GYPC: variants seen among roughly 807,000 people sequenced by gnomAD.
The protein encoded by GYPC is glycophorin-C.
Under a neutral mutation model 12.6 loss-of-function variants are expected in GYPC, and 14 were observed. The ratio of observed to expected loss-of-function variants is 1.11; its 90% CI spans 0.74 to 1.74. The LOEUF is 1.74. Ranked by LOEUF, GYPC falls within the 40% of genes most tolerant of loss-of-function variation. The pLI, the probability that GYPC is intolerant of heterozygous loss-of-function variation, is 0.00. For missense variants in GYPC, 225 were observed against 172.1 expected (o/e 1.31, Z -1.72); for synonymous variants, 78 against 62.1 (o/e 1.26, Z -1.20).
intron 1 of GYPC, 119 bp from the exon 2 acceptor site, chr2:126,690,136 C>G: frequency 2.6e-6 from 2 of 782,692 alleles, no homozygotes; most frequent in Non-Finnish European, 4.6e-6. Context: ...TGTCTCTGTC[C>G]ACTTGAACCC....
intron 1 of GYPC, among the ~76,000 whole-genome samples, chr2:126,675,945 G>A (rs1243814676): frequency 1.3e-5 from 2 of 152,204 alleles, no homozygotes; most frequent in African/African-American, 4.8e-5. Context: ...TATGTTAAAT[G>A]TGTAAAGAAA....
chr2:126,657,413 C>A (rs1344356770), intron 1 of GYPC, among the ~76,000 whole-genome samples: 1 of 152,174 alleles, frequency 6.6e-6, no homozygotes, highest in East Asian at 1.9e-4. Flanking sequence ...TCCTCATCTG[C>A]AAAGTAGGAA....
At chr2:126,662,704 T>C (rs145070043) in intron 1 of GYPC, among the ~76,000 whole-genome samples, 2 of 152,368 alleles carry the variant, frequency 1.3e-5, no homozygotes, top group East Asian at 3.9e-4. Context: ...CGGCTAGTCC[T>C]GAACCTGTCA....
chr2:126,692,920 G>A (rs553946575), intron 2 of GYPC, among the ~76,000 whole-genome samples: 5 of 152,290 alleles, frequency 3.3e-5, no homozygotes, highest in South Asian at 2.1e-4. Flanking sequence ...GGCACATCAC[G>A]TCTCTGAACC....
intron 1 of GYPC, among the ~76,000 whole-genome samples, chr2:126,678,145 C>T (rs1683060348): frequency 6.6e-6 from 1 of 152,072 alleles, no homozygotes; most frequent in African/African-American, 2.4e-5. Flanking sequence ...TCACTTGAAC[C>T]CAGGAGGCGG....
At chr2:126,691,873 G>C (rs1170520918) in intron 2 of GYPC, among the ~76,000 whole-genome samples, 1 of 152,142 alleles carries the variant, frequency 6.6e-6, no homozygotes, top group Admixed American at 6.6e-5. Flanking sequence ...TCTGAGGGCA[G>C]TTCTGGGTAT....
intron 1 of GYPC, among the ~76,000 whole-genome samples, chr2:126,672,532 G>A (rs929936768): frequency 7.2e-5 from 11 of 152,102 alleles, no homozygotes; most frequent in African/African-American, 2.7e-4. Flanking sequence ...TGTGAGTGTG[G>A]GTCCCCTGTC....
intron 3 of GYPC, among the ~76,000 whole-genome samples, chr2:126,694,655 A>T (rs1204556540): frequency 6.6e-6 from 1 of 152,182 alleles, no homozygotes; most frequent in African/African-American, 2.4e-5. Flanking sequence ...GATATTATTA[A>T]CATTATGCAG....
chr2:126,667,361 C>T (rs1682712008), intron 1 of GYPC, among the ~76,000 whole-genome samples: 2 of 151,934 alleles, frequency 1.3e-5, no homozygotes, highest in African/African-American at 2.4e-5. Flanking sequence ...GACATGACTC[C>T]TACATGCATT....
chr2:126,677,535 CTGTGTGTATGTGAG>C (rs1306904791), intron 1 of GYPC, among the ~76,000 whole-genome samples: 1 of 93,318 alleles, frequency 1.1e-5, no homozygotes, highest in Non-Finnish European at 2.5e-5. Flanking sequence ...GTGTGTGAGT[CTGTGTGTATGTGAG>C]TGTGTGTATG....
At chr2:126,664,462 A>G (rs4143022) in intron 1 of GYPC, among the ~76,000 whole-genome samples, 16,407 of 152,160 alleles carry the variant, frequency 0.11, 1,454 homozygotes, top group East Asian at 0.41. Context: ...TCTACATTGA[A>G]AGCTCAGCCA....
At chr2:126,686,592 C>T (rs987419788) in intron 1 of GYPC, 25 of 979,358 alleles carry the variant, frequency 2.6e-5, no homozygotes, top group Non-Finnish European at 2.9e-5. Flanking sequence ...CAGTCTAATG[C>T]TGAGTATAGA....
intron 1 of GYPC, among the ~76,000 whole-genome samples, chr2:126,687,847 C>A (rs1435555193): frequency 6.6e-6 from 1 of 152,192 alleles, no homozygotes; most frequent in Non-Finnish European, 1.5e-5. Context: ...TACAAGGTCC[C>A]TAACCAGAAG....
chr2:126,661,455 C>CTCT (rs796490991), intron 1 of GYPC, among the ~76,000 whole-genome samples: 4 of 145,242 alleles, frequency 2.8e-5, no homozygotes, highest in Non-Finnish European at 6.1e-5. Context: ...CTCTCTCTCT[C>CTCT]TTTTTTTTTT....
At position 126,663,228 on chromosome 2, in the gene GYPC, T is replaced by G. The variant is rs538846774; in HGVS notation, c.49+6916T>G. Among the ~76,000 whole-genome samples the G allele has an allele frequency of 2.1e-4, 32 of 152,104 alleles. No homozygotes were observed. The East Asian group carries it at 2.3e-3, about 11-fold the overall frequency. ...AATTTTTGTATTTTTAGTAGAGATGTGGTTTCACCTTGTTGGCCAGGATTG... is the reference window on the plus strand; with the variant it reads ...AATTTTTGTATTTTTAGTAGAGATGGGGTTTCACCTTGTTGGCCAGGATTG... On this transcript the variant is annotated intron_variant, in intron 1 of 3. Coordinates refer to ENST00000259254, the MANE Select transcript of GYPC (RefSeq NM_002101.5).
At chr2:126,664,979 G>C (rs1259271046) in intron 1 of GYPC, among the ~76,000 whole-genome samples, 1 of 129,634 alleles carries the variant, frequency 7.7e-6, no homozygotes, top group Non-Finnish European at 1.7e-5. Context: ...CTCTCTCTCT[G>C]TGTCTCTCTC....
At chr2:126,679,076 G>A (rs1015327959) in intron 1 of GYPC, among the ~76,000 whole-genome samples, 1 of 152,224 alleles carries the variant, frequency 6.6e-6, no homozygotes, top group Admixed American at 6.5e-5. Flanking sequence ...ACCTAATTAT[G>A]CTGAAAATGC....
At chr2:126,694,007 C>A in intron 3 of GYPC, 60 bp downstream of exon 3, 1 of 1,144,030 alleles carries the variant, frequency 8.7e-7, no homozygotes, top group Non-Finnish European at 1.3e-6. Flanking sequence ...GTGAAAACAT[C>A]CAGGGGAGAA....
At chr2:126,685,274 T>C (rs1415142045) in intron 1 of GYPC, among the ~76,000 whole-genome samples, 3 of 152,354 alleles carry the variant, frequency 2.0e-5, no homozygotes, top group African/African-American at 7.2e-5. Context: ...GCACTTACCA[T>C]GTCCCCAAAG....
Sources: gnomAD v4.1 joint callset for allele counts (sites outside exome capture counted in the v4.1 genomes callset) on GRCh38, gnomAD v4.1.1 for gene constraint, MANE v1.5 for transcripts, NCBI Gene and HGNC (gene_info 2026-07-23, HGNC 2026-07-21) for gene names.